Variants in VPS13B observed in about 807,000 individuals in gnomAD.
VPS13B encodes intermembrane lipid transfer protein VPS13B.
VPS13B carries 285 observed loss-of-function variants against 426.4 expected under a neutral mutation model. The observed-to-expected ratio is 0.67, with a 90% CI of 0.61 to 0.74. The LOEUF (loss-of-function observed/expected upper bound fraction) is 0.74, where lower values mean the gene tolerates loss of function less well. VPS13B is among the 30% of genes least tolerant of loss of function. The probability of loss-of-function intolerance (pLI) is 0.00; values close to 1 mark genes in which losing one functional copy is unlikely to be tolerated. For synonymous variants in VPS13B, 1,676 were observed against 1,676.4 expected (o/e 1.00, Z 0.01); for missense variants, 4,537 against 4,782.6 (o/e 0.95, Z 1.51).
chr8:99,512,948 G>A (rs1166424251), intron 29 of VPS13B, among the ~76,000 whole-genome samples: 1 of 151,348 alleles, frequency 6.6e-6, no homozygotes, highest in Non-Finnish European at 1.5e-5. Flanking sequence ...GGTGTAGGTT[G>A]CAGTGAGCCA....
At chr8:99,190,819 GTTTC>G (rs1813522716) in intron 16 of VPS13B, among the ~76,000 whole-genome samples, 1 of 151,382 alleles carries the variant, frequency 6.6e-6, no homozygotes, top group African/African-American at 2.4e-5. Flanking sequence ...AGAAGATAAT[GTTTC>G]TTTCTTCTTC....
intron 16 of VPS13B, among the ~76,000 whole-genome samples, chr8:99,177,408 A>T (rs1588115814): frequency 6.6e-6 from 1 of 152,218 alleles, no homozygotes; most frequent in South Asian, 2.1e-4. Context: ...ACATACATTT[A>T]TAGTTTTTAA....
chr8:99,730,583 C>T (rs1257568017), intron 39 of VPS13B, among the ~76,000 whole-genome samples: 4 of 151,988 alleles, frequency 2.6e-5, no homozygotes, highest in Non-Finnish European at 5.9e-5. Flanking sequence ...TTGAGATTAA[C>T]TCAGTAAATA....
intron 17 of VPS13B, among the ~76,000 whole-genome samples, chr8:99,194,359 T>C (rs1813780129): frequency 6.6e-6 from 1 of 152,152 alleles, no homozygotes; most frequent in African/African-American, 2.4e-5. Flanking sequence ...AACTTACTGC[T>C]CCTGTCTAAC....
At chr8:99,391,968 A>G (rs1193872643) in intron 21 of VPS13B, among the ~76,000 whole-genome samples, 1 of 152,226 alleles carries the variant, frequency 6.6e-6, no homozygotes, top group Admixed American at 6.5e-5. Flanking sequence ...ATGGATAGAA[A>G]GCATGCCTGC....
At chr8:99,550,835 C>G (rs1824245270) in intron 30 of VPS13B, among the ~76,000 whole-genome samples, 1 of 151,962 alleles carries the variant, frequency 6.6e-6, no homozygotes, top group Non-Finnish European at 1.5e-5. Context: ...TAAACATAAG[C>G]AGTTTTGTGA....
intron 14 of VPS13B, among the ~76,000 whole-genome samples, chr8:99,153,097 G>A (rs1299239015): frequency 6.6e-6 from 1 of 152,160 alleles, no homozygotes; most frequent in Admixed American, 6.5e-5. Context: ...CTGAGCCCTG[G>A]AGGTTGAGGC....
At chr8:99,372,249 C>CA (rs34602174) in intron 19 of VPS13B, among the ~76,000 whole-genome samples, 1,415 of 84,310 alleles carry the variant, frequency 0.017, 15 homozygotes, top group African/African-American at 0.032. Context: ...GACTCCGTCT[C>CA]AAAAAAAAAA....
At chr8:99,697,989 A>G (rs749521229) in intron 35 of VPS13B, 6 of 406,930 alleles carry the variant, frequency 1.5e-5, no homozygotes, top group Non-Finnish European at 2.8e-5. Flanking sequence ...GAGAAGACTG[A>G]GAAGGAGGCC....
At chr8:99,337,528 A>AG (rs1206824766) in intron 19 of VPS13B, among the ~76,000 whole-genome samples, 57 of 151,916 alleles carry the variant, frequency 3.8e-4, no homozygotes, top group Admixed American at 3.1e-3. Context: ...AAGATTCCTA[A>AG]GGGGAAAAAA....
intron 21 of VPS13B, chr8:99,424,185 T>C (rs1430139595): frequency 6.6e-6 from 1 of 152,218 alleles, no homozygotes; most frequent in Non-Finnish European, 1.5e-5. Context: ...TCTCTTTTGA[T>C]CTTTGTTGGT....
At chr8:99,204,398 CA>C (rs1319207493) in intron 17 of VPS13B, among the ~76,000 whole-genome samples, 1 of 152,076 alleles carries the variant, frequency 6.6e-6, no homozygotes, top group Non-Finnish European at 1.5e-5. Flanking sequence ...CCTAAAACCA[CA>C]AAAACCCTAG....
chr8:99,028,613 C>T (rs1367521997), intron 2 of VPS13B, among the ~76,000 whole-genome samples: 2 of 115,102 alleles, frequency 1.7e-5, no homozygotes, highest in African/African-American at 6.8e-5. Context: ...GCTGGCCGGG[C>T]GGGGGGCTGA....
intron 21 of VPS13B, among the ~76,000 whole-genome samples, chr8:99,399,903 A>C (rs538356546): frequency 1.3e-5 from 2 of 152,262 alleles, no homozygotes; most frequent in East Asian, 3.9e-4. Flanking sequence ...CATACATATA[A>C]TGTCCTATCT....
chr8:99,560,350 T>A (rs1409763697), intron 31 of VPS13B, among the ~76,000 whole-genome samples: 1 of 151,866 alleles, frequency 6.6e-6, no homozygotes, highest in African/African-American at 2.4e-5. Context: ...ATGGTAGACG[T>A]GTTTTCTAGG....
chr8:99,425,241 A>G lies in VPS13B; in HGVS notation c.3083-6296A>G, dbSNP rs1193621535. ...GAGTCCAGCATCATCCTGATACCAA[A>G]GCCTGGCAGAGACCCAACAAAAAAA... On this transcript the variant is annotated intron_variant, in intron 21 of 61. Coordinates refer to ENST00000357162, the MANE Select transcript of VPS13B (RefSeq NM_152564.5). Among the ~76,000 whole-genome samples, 5 of 152,338 alleles carry G rather than the reference A, an allele frequency of 3.3e-5. No individual in the cohort carries two copies. The East Asian group carries it at 9.6e-4, about 29-fold the overall frequency.
At chr8:99,673,737 T>C (rs1471808182) in intron 35 of VPS13B, among the ~76,000 whole-genome samples, 1 of 152,068 alleles carries the variant, frequency 6.6e-6, no homozygotes, top group South Asian at 2.1e-4. Context: ...TGTAGGTATT[T>C]ACTGCTGGAA....
chr8:99,232,598 A>G (rs1013130357), intron 17 of VPS13B, among the ~76,000 whole-genome samples: 1 of 152,236 alleles, frequency 6.6e-6, no homozygotes, highest in African/African-American at 2.4e-5. Flanking sequence ...TTACCGCTGC[A>G]GGCACCCTGC....
At chr8:99,262,595 T>G (rs927693528) in intron 17 of VPS13B, among the ~76,000 whole-genome samples, 6 of 152,200 alleles carry the variant, frequency 3.9e-5, no homozygotes, top group African/African-American at 9.6e-5. Context: ...AATACTTACT[T>G]CTTACTATAT....
Sources: gnomAD v4.1 joint callset for allele counts (sites outside exome capture counted in the v4.1 genomes callset) on GRCh38, gnomAD v4.1.1 for gene constraint, MANE v1.5 for transcripts, NCBI Gene and HGNC (gene_info 2026-07-23, HGNC 2026-07-21) for gene names.